Variants in MACROH2A2 observed in about 807,000 individuals in gnomAD.
MACROH2A2 encodes core histone macro-H2A.2.
MACROH2A2 carries 6 observed loss-of-function variants against 37.6 expected under a neutral mutation model. The ratio of observed to expected loss-of-function variants is 0.16; its 90% CI spans 0.09 to 0.32. The LOEUF (loss-of-function observed/expected upper bound fraction) is 0.32, where lower values mean the gene tolerates loss of function less well. MACROH2A2 is among the 10% of genes least tolerant of loss of function. The pLI is 1.00. For synonymous variants in MACROH2A2, 192 were observed against 202.7 expected, an observed-to-expected ratio of 0.95 and a Z score of 0.45; for missense variants, 290 against 485.9, an observed-to-expected ratio of 0.60 and a Z score of 3.79.
At chr10:70,080,607 C>T (rs1054681359) in intron 2 of MACROH2A2, among the ~76,000 whole-genome samples, 9 of 151,990 alleles carry the variant, frequency 5.9e-5, no homozygotes, top group African/African-American at 2.2e-4. Context: ...GTGTGCTGGG[C>T]ACGGTGGCTC....
intron 1 of MACROH2A2, among the ~76,000 whole-genome samples, chr10:70,059,398 AGTCT>A (rs2072038009): frequency 1.3e-5 from 2 of 149,768 alleles, no homozygotes; most frequent in South Asian, 4.2e-4. Context: ...TTTGAGACAG[AGTCT>A]CACTCTGTCA....
At chr10:70,071,826 G>A (rs762139808) in intron 1 of MACROH2A2, among the ~76,000 whole-genome samples, 1 of 152,214 alleles carries the variant, frequency 6.6e-6, no homozygotes, top group Non-Finnish European at 1.5e-5. Context: ...CAGTACACAT[G>A]TATAGGGCAC....
At chr10:70,098,405 G>A (rs2072287932) in intron 6 of MACROH2A2, 1 of 151,538 alleles carries the variant, frequency 6.6e-6, no homozygotes, top group Non-Finnish European at 1.5e-5. Flanking sequence ...GGGAGGGGGA[G>A]AGAGAAAGGA....
At chr10:70,070,330 G>A (rs1450353426) in intron 1 of MACROH2A2, among the ~76,000 whole-genome samples, 2 of 152,216 alleles carry the variant, frequency 1.3e-5, no homozygotes. Flanking sequence ...TTAGAGGGAA[G>A]TCTGGAAGCC....
intron 6 of MACROH2A2, chr10:70,099,745 T>C (rs1480751373): frequency 6.6e-6 from 1 of 152,264 alleles, no homozygotes; most frequent in East Asian, 1.9e-4. Flanking sequence ...ATTTCTCCAT[T>C]GCAAACTGAG....
In MACROH2A2 at chr10:70,093,738, A is replaced by G; in HGVS notation, c.481A>G (p.Lys161Glu). ...GCCTTTTGATTTTTACCGACAGTCC[A>G]AACCAAAGGACAGCGATAAAGAAGG... ...AAKPRTSKKS[K>E]PKDSDKEGTS... Residue 161 changes from lysine (K) to glutamate (E), a missense_variant, in exon 5 of 9, where the codon AAA (lysine) becomes GAA (glutamate). By Grantham distance (56) the Lys-to-Glu change is moderately conservative. Coordinates refer to ENST00000373255, the MANE Select transcript of MACROH2A2 (RefSeq NM_018649.3). 2.5e-6 allele frequency: 4 copies of G among 1,593,136 alleles called. No homozygotes were observed. The highest frequency in any genetic ancestry group is 3.4e-6 in the Non-Finnish European group (4 of 1,160,872).
intron 6 of MACROH2A2, among the ~76,000 whole-genome samples, chr10:70,099,839 A>G (rs940674373): frequency 1.9e-4 from 29 of 152,296 alleles, no homozygotes; most frequent in Admixed American, 9.8e-4. Flanking sequence ...CGTTGATGGC[A>G]CTGTGATGGG....
chr10:70,064,794 C>T (rs909486136), intron 1 of MACROH2A2, among the ~76,000 whole-genome samples: 1 of 152,014 alleles, frequency 6.6e-6, no homozygotes, highest in Non-Finnish European at 1.5e-5. Context: ...TTAAGTCTAA[C>T]GAAAACTCTT....
intron 8 of MACROH2A2, among the ~76,000 whole-genome samples, chr10:70,110,272 G>C (rs2072362174): frequency 6.6e-6 from 1 of 152,198 alleles, no homozygotes; most frequent in African/African-American, 2.4e-5. Context: ...CTGTGGCCCA[G>C]CCTGGTGGAT....
chr10:70,110,284 G>T (rs1362088541), intron 8 of MACROH2A2, among the ~76,000 whole-genome samples: 1 of 152,132 alleles, frequency 6.6e-6, no homozygotes, highest in African/African-American at 2.4e-5. Flanking sequence ...CTGGTGGATG[G>T]CACTATCAGT....
At chr10:70,099,786 G>T (rs1223337564) in intron 6 of MACROH2A2, among the ~76,000 whole-genome samples, 1 of 152,030 alleles carries the variant, frequency 6.6e-6, no homozygotes, top group Non-Finnish European at 1.5e-5. Flanking sequence ...ATGCCAGGCT[G>T]CCCTGGGCCT....
At chr10:70,062,761 T>G (rs528518265) in intron 1 of MACROH2A2, among the ~76,000 whole-genome samples, 1 of 152,112 alleles carries the variant, frequency 6.6e-6, no homozygotes, top group African/African-American at 2.4e-5. Flanking sequence ...AGCTTGACTG[T>G]AGAAAAAAAT....
intron 2 of MACROH2A2, among the ~76,000 whole-genome samples, chr10:70,085,524 C>T (rs74139265): frequency 0.093 from 14,176 of 152,216 alleles, 723 homozygotes; most frequent in African/African-American, 0.13. Flanking sequence ...TGTCCCAACC[C>T]TATAATTAAT....
chr10:70,084,691 T>G, intron 2 of MACROH2A2, among the ~76,000 whole-genome samples: 1 of 152,054 alleles, frequency 6.6e-6, no homozygotes, highest in East Asian at 1.9e-4. Context: ...AGCCTAGACC[T>G]CCTGAGCTCA....
Position 70,103,784 on chromosome 10 carries a change from C to CAA in MACROH2A2, c.778+3495_778+3496dup, listed in dbSNP as rs59744572. 4.8e-5 allele frequency among the ~76,000 whole-genome samples: 7 copies of CAA among 145,828 alleles called. No individual in the cohort carries two copies. The East Asian group carries it at 1.2e-3, about 25-fold the overall frequency. ...CTACTGACAGCAGACTTCTCATCAG[C>CAA]AAAAAAAAAGATGTGTGGAAACAGG... On this transcript the variant is annotated intron_variant, in intron 7 of 8. Transcript: ENST00000373255.
chr10:70,096,412 G>A (rs761888303), intron 6 of MACROH2A2, among the ~76,000 whole-genome samples: 7 of 152,040 alleles, frequency 4.6e-5, no homozygotes, highest in Non-Finnish European at 7.4e-5. Flanking sequence ...TACATATATC[G>A]TAAGCTTAAA....
At chr10:70,103,238 C>T (rs1191928127) in intron 7 of MACROH2A2, among the ~76,000 whole-genome samples, 1 of 152,194 alleles carries the variant, frequency 6.6e-6, no homozygotes, top group East Asian at 1.9e-4. Flanking sequence ...CAAGCCCCAA[C>T]TCAGTCATCT....
intron 5 of MACROH2A2, among the ~76,000 whole-genome samples, chr10:70,095,367 CAAAA>C (rs1188963876): frequency 2.9e-5 from 2 of 67,918 alleles, no homozygotes; most frequent in Non-Finnish European, 3.1e-5. Flanking sequence ...GACTCCGTCT[CAAAA>C]AAAAAAAAAA....
intron 7 of MACROH2A2, 127 bp from the exon 8 acceptor site, chr10:70,108,906 G>C (rs2072353350): frequency 1.3e-6 from 1 of 796,326 alleles, no homozygotes. Context: ...CAGGAGCACA[G>C]GATGCTGCCC....
Sources: allele counts gnomAD v4.1 joint callset (sites outside exome capture counted in the v4.1 genomes callset), GRCh38; gene constraint gnomAD v4.1.1; transcripts MANE v1.5; gene names NCBI Gene and HGNC (gene_info 2026-07-23, HGNC 2026-07-21).